The following CLYBL variants were observed in gnomAD, a reference collection of about 807,000 sequenced individuals.
CLYBL encodes citramalyl-CoA lyase, mitochondrial.
Under a neutral mutation model 38.9 loss-of-function variants are expected in CLYBL, and 31 were observed. That is an observed-to-expected ratio of 0.80 (90% CI 0.60 to 1.08). The LOEUF (loss-of-function observed/expected upper bound fraction) is 1.08. Ranked by LOEUF, CLYBL falls within the 50% of genes least tolerant of loss-of-function variation. The pLI, the probability that CLYBL is intolerant of heterozygous loss-of-function variation, is 0.00. For synonymous variants in CLYBL, 171 were observed against 158.6 expected (o/e 1.08, Z -0.59); for missense variants, 434 against 411.6 (o/e 1.05, Z -0.47).
rs959994108 is a variant in CLYBL, at chr13:99,858,371, A to C, written c.250-490A>C. On this transcript the variant is annotated intron_variant, in intron 2 of 8. Transcript: ENST00000339105. The stretch of plus-strand genomic sequence containing the variant: ...CAAAAAAATAGTGAGTAAAAAAAGC[A>C]TGATGCCTGTGGAAAAAGAAAAATC... 2.6e-5 allele frequency among the ~76,000 whole-genome samples: 4 copies of C among 152,346 alleles called. 1 individual carries two copies. The highest frequency in any genetic ancestry group is 4.1e-4 in the South Asian group (2 of 4,828).
chr13:99,672,262 A>G (rs576415277), intron 1 of CLYBL, among the ~76,000 whole-genome samples: 3 of 147,436 alleles, frequency 2.0e-5, no homozygotes, highest in South Asian at 2.1e-4. Context: ...GCCAGAGTGC[A>G]GTGTTGCAGT....
chr13:99,627,931 T>G (rs1346033310), intron 1 of CLYBL, among the ~76,000 whole-genome samples: 3 of 152,244 alleles, frequency 2.0e-5, no homozygotes, highest in African/African-American at 4.8e-5. Context: ...TAATCAACTC[T>G]GTTTTAAAGG....
At chr13:99,635,214 T>C (rs1440590797) in intron 1 of CLYBL, among the ~76,000 whole-genome samples, 1 of 151,948 alleles carries the variant, frequency 6.6e-6, no homozygotes, top group Non-Finnish European at 1.5e-5. Flanking sequence ...CGTAATGAAA[T>C]GTACCTGGGG....
intron 2 of CLYBL, among the ~76,000 whole-genome samples, chr13:99,833,321 A>G (rs994228088): frequency 2.0e-4 from 31 of 151,640 alleles, no homozygotes; most frequent in Non-Finnish European, 4.0e-4. Flanking sequence ...GATTACAGGC[A>G]TGAGCCACTG....
chr13:99,742,217 C>G (rs1187862012), intron 1 of CLYBL, among the ~76,000 whole-genome samples: 1 of 152,212 alleles, frequency 6.6e-6, no homozygotes, highest in Non-Finnish European at 1.5e-5. Context: ...TAGGTCGCAC[C>G]TTGCACTGGG....
chr13:99,629,782 C>G lies in CLYBL; in HGVS notation c.62+23025C>G, dbSNP rs531788274. Among the ~76,000 whole-genome samples the G allele has an allele frequency of 9.2e-5, 14 of 152,316 alleles. No individual in the cohort carries two copies. The South Asian group carries it at 2.3e-3, about 25-fold the overall frequency. The stretch of plus-strand genomic sequence containing the variant: ...TGTCTGGGTGAAACCACTGCACGCT[C>G]TGGTCCCTGGGCTCCTATTGCTCAG... On this transcript the variant is annotated intron_variant, in intron 1 of 8. Coordinates refer to ENST00000339105, the MANE Select transcript of CLYBL (RefSeq NM_206808.5).
Position 99,869,179 on chromosome 13 carries a change from C to T in CLYBL, c.803-1759C>T, listed in dbSNP as rs2051824814. Among the ~76,000 whole-genome samples the T allele has an allele frequency of 6.6e-6, 1 of 152,092 alleles. No homozygotes were observed. The highest frequency in any genetic ancestry group is 1.5e-5 in the Non-Finnish European group (1 of 67,988). ...AACCTAACATGTATCTTAAAATTAG[C>T]CTCATTGCCCAAATATAGGTACTGG... On this transcript the variant is annotated intron_variant, in intron 6 of 8. Transcript: ENST00000339105. The surrounding 1 kb of genome is among the most constrained non-coding windows in gnomAD (Gnocchi z 4.3).
At chr13:99,767,702 A>C (rs554906928) in intron 1 of CLYBL, among the ~76,000 whole-genome samples, 2 of 152,110 alleles carry the variant, frequency 1.3e-5, no homozygotes, top group Middle Eastern at 3.4e-3. Flanking sequence ...AAGTTTGCTA[A>C]TTCTTTCTTC....
chr13:99,610,973 G>GT (rs1210472218), intron 1 of CLYBL, among the ~76,000 whole-genome samples: 2 of 152,204 alleles, frequency 1.3e-5, no homozygotes, highest in African/African-American at 2.4e-5. Flanking sequence ...ATTAAAGACA[G>GT]TTTTACAAGT....
chr13:99,716,787 C>CTTT (rs1260332084), intron 1 of CLYBL, among the ~76,000 whole-genome samples: 1,255 of 100,854 alleles, frequency 0.012, 23 homozygotes, highest in Middle Eastern at 0.025. Context: ...CTTTTCTTTT[C>CTTT]TTTTTTTTTT....
Position 99,766,943 on chromosome 13 carries a change from A to G in CLYBL, c.63-5881A>G, listed in dbSNP as rs554608861. ...TGCTGAGTTACACAACAGAGATTCC[A>G]GAGCTGGGGATGGTAGTCCCACCTC... is the stretch of plus-strand genomic sequence containing the variant. On this transcript the variant is annotated intron_variant, in intron 1 of 8. Transcript: ENST00000339105. Among the ~76,000 whole-genome samples, 7 of 152,348 alleles carry G rather than the reference A, an allele frequency of 4.6e-5. No individual in the cohort carries two copies. The East Asian group carries it at 1.2e-3, about 25-fold the overall frequency.
chr13:99,829,966 T>C (rs1395877694), intron 2 of CLYBL, among the ~76,000 whole-genome samples: 2 of 152,182 alleles, frequency 1.3e-5, no homozygotes, highest in African/African-American at 4.8e-5. Flanking sequence ...ATGTCAAGCG[T>C]AATTCACACC....
chr13:99,884,234 CA>C (rs1175130105), intron 7 of CLYBL, among the ~76,000 whole-genome samples: 1 of 152,176 alleles, frequency 6.6e-6, no homozygotes, highest in Non-Finnish European at 1.5e-5. Context: ...ATTACCAGAT[CA>C]GGGGCACAGA....
intron 1 of CLYBL, among the ~76,000 whole-genome samples, chr13:99,682,448 A>G (rs1003241620): frequency 6.6e-6 from 1 of 151,924 alleles, no homozygotes; most frequent in African/African-American, 2.4e-5. Flanking sequence ...AGCCAGGGGT[A>G]AGGATTTCTA....
rs879895021 is a variant in CLYBL at position 99,644,099 on chromosome 13, T to TTATATGTGGTGTATGTATG, written c.62+37402_62+37420dup. Among the ~76,000 whole-genome samples the TTATATGTGGTGTATGTATG allele has an allele frequency of 5.8e-4, 87 of 150,328 alleles. 1 individual carries two copies. The highest frequency in any genetic ancestry group is 1.6e-3 in the African/African-American group (65 of 40,418). On this transcript the variant is annotated intron_variant, in intron 1 of 8. Transcript: ENST00000339105. ...TTTGTCTTATGAAACTTTTGGTTTTTTATATGTGGTGTATGTATGTATATG... is the reference window on the plus strand; with the variant it reads ...TTTGTCTTATGAAACTTTTGGTTTTTTATATGTGGTGTATGTATGTATATGTGGTGTATGTATGTATATG...
intron 1 of CLYBL, among the ~76,000 whole-genome samples, chr13:99,732,994 T>G (rs1470237945): frequency 6.6e-6 from 1 of 152,214 alleles, no homozygotes; most frequent in Non-Finnish European, 1.5e-5. Flanking sequence ...GAAAGGGAAT[T>G]TGTATGAAGC....
intron 1 of CLYBL, among the ~76,000 whole-genome samples, chr13:99,737,281 G>A (rs1168741110): frequency 1.3e-5 from 2 of 152,206 alleles, no homozygotes; most frequent in African/African-American, 4.8e-5. Flanking sequence ...AGCTCATGGA[G>A]GTCAGAGGGG....
intron 2 of CLYBL, among the ~76,000 whole-genome samples, chr13:99,773,251 A>G (rs1249436924): frequency 6.6e-6 from 1 of 152,230 alleles, no homozygotes; most frequent in Non-Finnish European, 1.5e-5. Context: ...GACTATGTGT[A>G]TGTATAGATA....
At chr13:99,792,450 A>C (rs1486836450) in intron 2 of CLYBL, among the ~76,000 whole-genome samples, 4 of 152,184 alleles carry the variant, frequency 2.6e-5, no homozygotes, top group Admixed American at 2.6e-4. Flanking sequence ...CAGCTGCTCC[A>C]CGTGGCAGAG....
Sources: allele counts gnomAD v4.1 joint callset (sites outside exome capture counted in the v4.1 genomes callset), GRCh38; gene constraint gnomAD v4.1.1; non-coding constraint Gnocchi (gnomAD v3.1); transcripts MANE v1.5; gene names NCBI Gene and HGNC (gene_info 2026-07-23, HGNC 2026-07-21).